Variants in UNC13C observed in about 807,000 individuals in gnomAD.
UNC13C encodes the protein unc-13 homolog C.
Under a neutral mutation model 245.4 loss-of-function variants are expected in UNC13C, and 174 were observed. The observed-to-expected ratio is 0.71, with a 90% confidence interval of 0.63 to 0.80. The LOEUF is 0.80. Among genes scored for constraint, UNC13C ranks in the 30% least tolerant of loss-of-function variants. The pLI, the probability that UNC13C is intolerant of heterozygous loss-of-function variation, is 0.00. For synonymous variants in UNC13C, 992 were observed against 895.1 expected, an observed-to-expected ratio of 1.11 and a Z score of -1.93; for missense variants, 2,829 against 2,602.9, an observed-to-expected ratio of 1.09 and a Z score of -1.89.
At chr15:53,990,782 A>G (rs1384496070) in intron 1 of UNC13C, among the ~76,000 whole-genome samples, 2 of 152,078 alleles carry the variant, frequency 1.3e-5, no homozygotes, top group East Asian at 3.9e-4. Flanking sequence ...CCTTGTCCCT[A>G]TCATGTAATT....
intron 1 of UNC13C, among the ~76,000 whole-genome samples, chr15:53,981,349 A>G (rs1004439522): frequency 2.0e-5 from 3 of 152,154 alleles, no homozygotes; most frequent in African/African-American, 7.2e-5. Flanking sequence ...CACCCAAGAA[A>G]AACAATCCTG....
At chr15:54,523,138 G>C (rs966197928) in intron 24 of UNC13C, among the ~76,000 whole-genome samples, 1 of 152,170 alleles carries the variant, frequency 6.6e-6, no homozygotes, top group Non-Finnish European at 1.5e-5. Flanking sequence ...AAAATTTGTA[G>C]GAGTAAGAAA....
the UNC13C span, among the ~76,000 whole-genome samples, chr15:53,849,654 T>C: frequency 6.6e-6 from 1 of 152,130 alleles, no homozygotes; most frequent in South Asian, 2.1e-4. Context: ...CATGTTTTCA[T>C]TTTTAATGAA....
chr15:54,208,136 G>A (rs890576202), intron 4 of UNC13C, among the ~76,000 whole-genome samples: 1 of 151,998 alleles, frequency 6.6e-6, no homozygotes, highest in Non-Finnish European at 1.5e-5. Context: ...CATGGTGAGA[G>A]CAGGAAAAAG....
Position 54,457,744 on chromosome 15 carries a change from G to T in UNC13C, c.4934-36864G>T, listed in dbSNP as rs547828485. Among the ~76,000 whole-genome samples the T allele has an allele frequency of 2.0e-5, 3 of 151,862 alleles. No homozygotes were observed. In the South Asian group the frequency reaches 6.3e-4, roughly 32 times the overall value. ...TATCTCCCATTTTGTTTCTAATTGAGCTTATTTGGATCTTCTCTCTTCTTT... is the reference window on the plus strand; with the variant it reads ...TATCTCCCATTTTGTTTCTAATTGATCTTATTTGGATCTTCTCTCTTCTTT... On this transcript the variant is annotated intron_variant, in intron 19 of 32. Transcript: ENST00000260323.
chr15:54,472,841 T>C (rs1311802834), intron 19 of UNC13C, among the ~76,000 whole-genome samples: 2 of 151,978 alleles, frequency 1.3e-5, no homozygotes, highest in African/African-American at 4.8e-5. Flanking sequence ...TTTTAACTTG[T>C]TTCCTTTTTT....
At chr15:53,955,763 A>G in the UNC13C span, 4 of 152,208 alleles carry the variant, frequency 2.6e-5, no homozygotes, top group Non-Finnish European at 5.9e-5. Flanking sequence ...TAGCACAGCC[A>G]CTTACCTTCC....
chr15:53,962,273 CA>C, the UNC13C span, among the ~76,000 whole-genome samples: 1 of 151,984 alleles, frequency 6.6e-6, no homozygotes, highest in African/African-American at 2.4e-5. Context: ...ATGAAAATAT[CA>C]GACAAATATA....
At chr15:54,593,229 A>C (rs1898898301) in intron 30 of UNC13C, among the ~76,000 whole-genome samples, 1 of 152,202 alleles carries the variant, frequency 6.6e-6, no homozygotes, top group African/African-American at 2.4e-5. Flanking sequence ...TCTGTCTCAT[A>C]GCTCTTAAGA....
chr15:54,462,912 C>A (rs535107870), intron 19 of UNC13C, among the ~76,000 whole-genome samples: 1 of 152,256 alleles, frequency 6.6e-6, no homozygotes, highest in Admixed American at 6.5e-5. Context: ...GCCAGCTGGG[C>A]TCCTGAGTCA....
chr15:54,394,159 CAGTTAAAGA>C (rs2040021551), intron 18 of UNC13C, among the ~76,000 whole-genome samples: 1 of 151,804 alleles, frequency 6.6e-6, no homozygotes, highest in Non-Finnish European at 1.5e-5. Flanking sequence ...ATTAAAATTC[CAGTTAAAGA>C]AGAAATACAT....
the UNC13C span, among the ~76,000 whole-genome samples, chr15:53,937,959 G>A: frequency 1.3e-5 from 2 of 152,172 alleles, no homozygotes; most frequent in Non-Finnish European, 2.9e-5. Flanking sequence ...GTGATACTGT[G>A]AAGCAACCAC....
intron 18 of UNC13C, 58 bp downstream of exon 18, chr15:54,393,239 A>T: frequency 5.0e-6 from 7 of 1,399,838 alleles, no homozygotes; most frequent in Non-Finnish European, 6.6e-6. Flanking sequence ...CAAATAATAC[A>T]TATTTTAAGC....
At chr15:54,148,215 A>G (rs1250173794) in intron 4 of UNC13C, among the ~76,000 whole-genome samples, 2 of 152,192 alleles carry the variant, frequency 1.3e-5, no homozygotes, top group African/African-American at 4.8e-5. Context: ...TCAAACAGGT[A>G]CATTTACCAA....
At chr15:54,558,277 CT>C in intron 29 of UNC13C, among the ~76,000 whole-genome samples, 1 of 151,980 alleles carries the variant, frequency 6.6e-6, no homozygotes. Flanking sequence ...GATTATTCAC[CT>C]TTGATAATAG....
chr15:54,003,832 G>A (rs1159921277), intron 1 of UNC13C, among the ~76,000 whole-genome samples: 3 of 152,160 alleles, frequency 2.0e-5, no homozygotes, highest in East Asian at 3.9e-4. Context: ...CTAACATGGT[G>A]AAACCCTGTC....
At chr15:53,973,184 A>AAAACTT in the UNC13C span, among the ~76,000 whole-genome samples, 1 of 152,128 alleles carries the variant, frequency 6.6e-6, no homozygotes, top group East Asian at 1.9e-4. Flanking sequence ...TTGGTATTCT[A>AAAACTT]AAACTTATTA....
rs115958122 is a variant in UNC13C at position 54,048,782 on chromosome 15, G to A, written c.2983+32896G>A. ...ATACACTGATGTGAACCAGAGGGCC[G>A]TTAACTCTTGTTATAGTTACCTGAT... is the stretch of plus-strand genomic sequence containing the variant. On this transcript the variant is annotated intron_variant, in intron 2 of 32. Coordinates refer to ENST00000260323, the MANE Select transcript of UNC13C (RefSeq NM_001080534.3). 2,213 of 244,816 alleles carry A rather than the reference G, an allele frequency of 9.0e-3. 43 individuals are homozygous for A. Among genetic ancestry groups the A allele is most frequent in the African/African-American group, 0.041 (1,770 of 43,120 alleles). The allele number at this position is 244,816 out of a possible 1,614,324, so 15.2% of individuals were successfully genotyped here.
In UNC13C at chr15:54,422,703, C is replaced by A. The variant is rs139331335; in HGVS notation, c.4933+7636C>A. ...TCATAGAGGGCTCCTTTCCATTCTTCAAGTCTCATTTCATGGTCACCTTCG... is the reference window on the plus strand; with the variant it reads ...TCATAGAGGGCTCCTTTCCATTCTTAAAGTCTCATTTCATGGTCACCTTCG... On this transcript the variant is annotated intron_variant, in intron 19 of 32. Coordinates refer to ENST00000260323, the MANE Select transcript of UNC13C (RefSeq NM_001080534.3). Among the ~76,000 whole-genome samples the A allele has an allele frequency of 6.3e-3, 959 of 151,894 alleles. 10 individuals are homozygous for A. The highest frequency in any genetic ancestry group is 0.022 in the African/African-American group (914 of 41,450).
Sources: gnomAD v4.1 joint callset for allele counts (sites outside exome capture counted in the v4.1 genomes callset) on GRCh38, gnomAD v4.1.1 for gene constraint, MANE v1.5 for transcripts, NCBI Gene and HGNC (gene_info 2026-07-23, HGNC 2026-07-21) for gene names.